TANGO6: variants seen among roughly 807,000 people sequenced by gnomAD.
TANGO6 encodes the protein transport and Golgi organization protein 6 homolog.
In TANGO6, 90 loss-of-function variants were observed where a neutral mutation model predicts 114.2. The observed-to-expected ratio is 0.79, with a 90% CI of 0.66 to 0.94. TANGO6 has a LOEUF of 0.94. Among genes scored for constraint, TANGO6 ranks in the 40% least tolerant of loss-of-function variants. The pLI, the probability that TANGO6 is intolerant of heterozygous loss-of-function variation, is 0.00. For missense variants in TANGO6, 1,274 were observed against 1,315.3 expected (o/e 0.97, Z 0.49); for synonymous variants, 477 against 509.8 (o/e 0.94, Z 0.87).
At chr16:69,064,822 CAGT>C (rs1177901716) in intron 17 of TANGO6, among the ~76,000 whole-genome samples, 2 of 152,148 alleles carry the variant, frequency 1.3e-5, no homozygotes, top group Admixed American at 6.5e-5. Context: ...ACTCAATCAG[CAGT>C]AGTAGTGAGC....
At chr16:68,914,956 TCTACACACACAC>T (rs1962977860) in intron 11 of TANGO6, among the ~76,000 whole-genome samples, 1 of 120,102 alleles carries the variant, frequency 8.3e-6, no homozygotes, top group Non-Finnish European at 1.6e-5. Context: ...TGTTTTGATA[TCTACACACACAC>T]ACACACACAC....
chr16:68,927,897 A>G lies in TANGO6; in HGVS notation c.2457A>G (p.Gly819=). 2.5e-6 allele frequency: 4 copies of G among 1,613,974 alleles called. No individual in the cohort carries two copies. The highest frequency in any genetic ancestry group is 3.4e-6 in the Non-Finnish European group (4 of 1,179,862). Residue 819 remains glycine, a synonymous_variant, in exon 13 of 18, where the codon GGA becomes GGG. Transcript: ENST00000261778. The part of the protein sequence containing the change: ...LQSNAPIIPQ[G]VNEPSTTTSQ... ...CAAATGCTCCAATCATTCCTCAAGG[A>G]GTCAATGAGCCCAGCACTACTACAA...
intron 17 of TANGO6, among the ~76,000 whole-genome samples, chr16:69,043,231 A>T (rs1364830274): frequency 1.3e-5 from 2 of 152,076 alleles, no homozygotes; most frequent in African/African-American, 4.8e-5. Context: ...GTAAGTGCAC[A>T]CACCCTTACT....
At chr16:68,874,707 G>A (rs1428756480) in intron 4 of TANGO6, among the ~76,000 whole-genome samples, 1 of 152,134 alleles carries the variant, frequency 6.6e-6, no homozygotes, top group East Asian at 1.9e-4. Context: ...ACAGCACTTT[G>A]GAGGCTGAGG....
chr16:68,870,409 G>A (rs1278304405), intron 4 of TANGO6, among the ~76,000 whole-genome samples: 4 of 152,128 alleles, frequency 2.6e-5, no homozygotes, highest in Non-Finnish European at 5.9e-5. Flanking sequence ...CCTCCCCTCA[G>A]TTCTCCCCAC....
intron 17 of TANGO6, among the ~76,000 whole-genome samples, chr16:69,083,106 T>G (rs1449856456): frequency 6.7e-6 from 1 of 149,734 alleles, no homozygotes; most frequent in Non-Finnish European, 1.5e-5. Flanking sequence ...TTTTTTTTTT[T>G]TTTTTTTTTT....
chr16:69,074,884 A>G (rs1288060059), intron 17 of TANGO6, among the ~76,000 whole-genome samples: 1 of 149,866 alleles, frequency 6.7e-6, no homozygotes, highest in Non-Finnish European at 1.5e-5. Flanking sequence ...ATCTCGCCCT[A>G]TTGCCCAGGC....
intron 17 of TANGO6, among the ~76,000 whole-genome samples, chr16:69,082,035 C>T (rs756097693): frequency 2.0e-5 from 3 of 151,228 alleles, no homozygotes; most frequent in Non-Finnish European, 4.4e-5. Context: ...AGTTCAGTGG[C>T]GCCATCTCGG....
chr16:68,916,351 G>A (rs916715356), intron 11 of TANGO6, among the ~76,000 whole-genome samples: 3 of 152,028 alleles, frequency 2.0e-5, no homozygotes, highest in South Asian at 2.1e-4. Context: ...GTTGTGAACC[G>A]TGCATGCGAG....
At chr16:69,025,885 C>T (rs1959493534) in intron 16 of TANGO6, 3 of 239,036 alleles carry the variant, frequency 1.3e-5, no homozygotes, top group South Asian at 1.5e-4. Flanking sequence ...ACCAAAGCCT[C>T]CTGAACCCCT....
At chr16:68,966,960 CG>C (rs565207463) in intron 14 of TANGO6, among the ~76,000 whole-genome samples, 23 of 151,998 alleles carry the variant, frequency 1.5e-4, no homozygotes, top group African/African-American at 5.1e-4. Flanking sequence ...TTAGTAGAGA[CG>C]GGGTTTTGCC....
At chr16:68,885,182 T>C (rs1962523687) in intron 7 of TANGO6, among the ~76,000 whole-genome samples, 1 of 152,224 alleles carries the variant, frequency 6.6e-6, no homozygotes, top group East Asian at 1.9e-4. Context: ...AGCTGCTCAC[T>C]AGGTAACGTG....
At chr16:68,926,125 T>C (rs973600294) in intron 12 of TANGO6, among the ~76,000 whole-genome samples, 7 of 152,040 alleles carry the variant, frequency 4.6e-5, no homozygotes, top group Non-Finnish European at 8.8e-5. Context: ...TCATTTTAGA[T>C]GCTTTAAAAA....
intron 4 of TANGO6, among the ~76,000 whole-genome samples, chr16:68,871,744 T>A (rs937535823): frequency 6.6e-6 from 1 of 152,158 alleles, no homozygotes; most frequent in African/African-American, 2.4e-5. Flanking sequence ...CTCAGCCTTC[T>A]GAGCAGCTGG....
At chr16:68,916,238 C>T (rs776276955) in intron 11 of TANGO6, among the ~76,000 whole-genome samples, 13 of 152,086 alleles carry the variant, frequency 8.5e-5, no homozygotes, top group Non-Finnish European at 1.3e-4. Flanking sequence ...GGAACCAGGC[C>T]GCATAACTGG....
intron 14 of TANGO6, among the ~76,000 whole-genome samples, chr16:68,966,509 A>AAT (rs1442899238): frequency 6.6e-6 from 1 of 152,052 alleles, no homozygotes; most frequent in African/African-American, 2.4e-5. Flanking sequence ...ATCTCAAAAA[A>AAT]AAATAAAATA....
intron 11 of TANGO6, among the ~76,000 whole-genome samples, chr16:68,910,937 A>G (rs915658355): frequency 6.6e-6 from 1 of 152,190 alleles, no homozygotes; most frequent in Non-Finnish European, 1.5e-5. Context: ...TTGGCCTCCC[A>G]TAGTGCTGGG....
At chr16:68,967,650 G>A (rs529693906) in intron 14 of TANGO6, among the ~76,000 whole-genome samples, 2 of 152,226 alleles carry the variant, frequency 1.3e-5, no homozygotes, top group Admixed American at 1.3e-4. Flanking sequence ...ACAATGTGTG[G>A]GTTTTTGTGT....
intron 1 of TANGO6, among the ~76,000 whole-genome samples, 182 bp downstream of exon 1, chr16:68,843,893 C>T (rs747354094): frequency 2.6e-5 from 4 of 152,218 alleles, no homozygotes; most frequent in Non-Finnish European, 4.4e-5. Context: ...GAAACTGAGG[C>T]TCAAGGAGGG....
Sources: gnomAD v4.1 joint callset for allele counts (sites outside exome capture counted in the v4.1 genomes callset) on GRCh38, gnomAD v4.1.1 for gene constraint, MANE v1.5 for transcripts, NCBI Gene and HGNC (gene_info 2026-07-23, HGNC 2026-07-21) for gene names.